DNAH3: variants seen among roughly 807,000 people sequenced by gnomAD.
DNAH3 encodes the protein dynein axonemal heavy chain 3.
Under a neutral mutation model 432.5 loss-of-function variants are expected in DNAH3, and 332 were observed. That is an observed-to-expected ratio of 0.77 (90% CI 0.70 to 0.84). The LOEUF (loss-of-function observed/expected upper bound fraction) is 0.84. DNAH3 is among the 40% of genes least tolerant of loss of function. The pLI, the probability that DNAH3 is intolerant of heterozygous loss-of-function variation, is 0.00. For synonymous variants in DNAH3, 1,956 were observed against 1,900.2 expected, an observed-to-expected ratio of 1.03 and a Z score of -0.76; for missense variants, 4,861 against 5,114.0, an observed-to-expected ratio of 0.95 and a Z score of 1.51.
Position 21,067,915 on chromosome 16 carries a change from A to G in DNAH3, c.3382-496T>C, listed in dbSNP as rs144534784. Among the ~76,000 whole-genome samples, 7 of 151,840 alleles carry G rather than the reference A, an allele frequency of 4.6e-5. No homozygotes were observed. The East Asian group carries it at 1.4e-3, about 30-fold the overall frequency. On this transcript the variant is annotated intron_variant, in intron 23 of 61. Transcript: ENST00000261383. The stretch of plus-strand genomic sequence containing the variant: ...ATCTTTTGTGAGGCTTGGCTGTGCT[A>G]TTTGGCCTTGGGTTCCATGAGACAC...
intron 57 of DNAH3, among the ~76,000 whole-genome samples, chr16:20,946,055 C>T (rs751237418): frequency 1.3e-5 from 2 of 152,146 alleles, no homozygotes; most frequent in Non-Finnish European, 2.9e-5. Context: ...TTGTCCGGGG[C>T]ACTCTAAAAT....
intron 41 of DNAH3, among the ~76,000 whole-genome samples, chr16:21,010,876 C>T (rs1056209500): frequency 5.3e-5 from 8 of 150,596 alleles, no homozygotes; most frequent in African/African-American, 2.0e-4. Context: ...CCACCACGCC[C>T]GGCCAAAACC....
chr16:21,060,347 C>T, exon 26 of DNAH3: 1 of 1,613,796 alleles, frequency 6.2e-7, no homozygotes, highest in Non-Finnish European at 8.5e-7. Context: ...AGCCACTTTT[C>T]CACCATGCCC....
chr16:21,105,325 CT>C (rs2091922062), intron 15 of DNAH3, among the ~76,000 whole-genome samples: 1 of 152,210 alleles, frequency 6.6e-6, no homozygotes, highest in African/African-American at 2.4e-5. Context: ...AGGTTATTAA[CT>C]TTTCCTTCAG....
chr16:20,954,748 A>T, intron 55 of DNAH3, 65 bp downstream of exon 55: 1 of 1,553,954 alleles, frequency 6.4e-7, no homozygotes, highest in Middle Eastern at 1.9e-4. Flanking sequence ...ACGCACCTGG[A>T]AACACACCTA....
chr16:21,021,425 C>T (rs984567372), intron 40 of DNAH3, among the ~76,000 whole-genome samples: 6 of 152,070 alleles, frequency 3.9e-5, no homozygotes, highest in Non-Finnish European at 8.8e-5. Flanking sequence ...AATGAGGAGC[C>T]TTAGACTGAG....
At chr16:20,966,039 T>A (rs2085047330) in intron 52 of DNAH3, among the ~76,000 whole-genome samples, 1 of 100,382 alleles carries the variant, frequency 1.0e-5, no homozygotes, top group Non-Finnish European at 1.9e-5. Context: ...TTTTTTTTTT[T>A]TTTTTTTTTT....
chr16:20,996,608 G>A (rs994754711), intron 44 of DNAH3, among the ~76,000 whole-genome samples: 1 of 152,126 alleles, frequency 6.6e-6, no homozygotes, highest in Non-Finnish European at 1.5e-5. Flanking sequence ...ACAGGCACAA[G>A]CCACCAAGCC....
At chr16:21,038,504 T>A (rs2089279924) in intron 33 of DNAH3, among the ~76,000 whole-genome samples, 1 of 152,066 alleles carries the variant, frequency 6.6e-6, no homozygotes, top group Non-Finnish European at 1.5e-5. Context: ...GATTTTCAGA[T>A]GAGATTGGCT....
chr16:21,083,414 T>C (rs564808410), intron 19 of DNAH3, among the ~76,000 whole-genome samples: 42 of 152,156 alleles, frequency 2.8e-4, no homozygotes, highest in Non-Finnish European at 5.6e-4. Flanking sequence ...CCAAGAGTGT[T>C]ATAGGCACAT....
At chr16:20,963,420 G>A (rs2084911321) in exon 53 of DNAH3, 3 of 1,614,102 alleles carry the variant, frequency 1.9e-6, no homozygotes, top group Non-Finnish European at 2.5e-6. Flanking sequence ...TGAACTCCCG[G>A]ACCGCTGGCA....
At chr16:21,007,446 C>T (rs2087364187) in intron 41 of DNAH3, among the ~76,000 whole-genome samples, 1 of 152,068 alleles carries the variant, frequency 6.6e-6, no homozygotes, top group South Asian at 2.1e-4. Context: ...ATCCTGGGCT[C>T]AAGTGATTTG....
At chr16:21,038,182 T>C (rs778021123) in intron 33 of DNAH3, among the ~76,000 whole-genome samples, 2 of 152,110 alleles carry the variant, frequency 1.3e-5, no homozygotes, top group Non-Finnish European at 2.9e-5. Context: ...TGAACATATA[T>C]GTATAACATG....
intron 16 of DNAH3, among the ~76,000 whole-genome samples, chr16:21,099,667 G>A (rs1179368219): frequency 6.6e-6 from 1 of 151,860 alleles, no homozygotes; most frequent in Non-Finnish European, 1.5e-5. Flanking sequence ...GATAAAACAA[G>A]GATAGAAAAA....
Position 21,145,900 on chromosome 16 carries a change from G to C in DNAH3, c.222+84C>G, listed in dbSNP as rs1051669147. The C allele has an allele frequency of 5.5e-6, 5 of 910,990 alleles. No individual in the cohort carries two copies. In the African/African-American group the frequency reaches 8.2e-5, roughly 15 times the overall value. 56.4% of individuals were successfully genotyped at this position (910,990 alleles called of 1,614,324 possible). ...CTGTTTGACTCTCCACCCTCATTGA[G>C]TACCTGCCAAATACGGAGAGAAGTG... On this transcript the variant is annotated intron_variant, in intron 2 of 61. Transcript: ENST00000261383.
intron 49 of DNAH3, among the ~76,000 whole-genome samples, chr16:20,980,298 ATATAT>A (rs1417565104): frequency 5.2e-4 from 74 of 142,688 alleles, no homozygotes; most frequent in East Asian, 1.4e-3. Flanking sequence ...AATATACATC[ATATAT>A]TATATTATAT....
chr16:21,079,516 G>A (rs1004926107), intron 20 of DNAH3, among the ~76,000 whole-genome samples: 3 of 152,124 alleles, frequency 2.0e-5, no homozygotes, highest in Non-Finnish European at 2.9e-5. Context: ...CCAGCCACTC[G>A]GGAGGCTGAG....
At chr16:20,966,014 ATTTTTTTTTTTTTTTTTTTTT>A (rs555983378) in intron 52 of DNAH3, among the ~76,000 whole-genome samples, 6,801 of 48,604 alleles carry the variant, frequency 0.14, 598 homozygotes, top group East Asian at 0.28. Flanking sequence ...TGCCCAGCCA[ATTTTTTTTTTTTTTTTTTTTT>A]TTTTTTTTTT....
At chr16:21,052,244 G>A (rs540885826) in intron 28 of DNAH3, among the ~76,000 whole-genome samples, 9 of 152,144 alleles carry the variant, frequency 5.9e-5, no homozygotes, top group East Asian at 5.8e-4. Context: ...CGCCTGCCTC[G>A]GCCTCCCAAA....
Sources: allele counts gnomAD v4.1 joint callset (sites outside exome capture counted in the v4.1 genomes callset), GRCh38; gene constraint gnomAD v4.1.1; transcripts MANE v1.5; gene names NCBI Gene and HGNC (gene_info 2026-07-23, HGNC 2026-07-21).